MAPK10: variants seen among roughly 807,000 people sequenced by gnomAD.
MAPK10 encodes the protein mitogen-activated protein kinase 10, also known as JNK3 alpha protein kinase.
In MAPK10, 25 loss-of-function variants were observed where a neutral mutation model predicts 59.3. That is an observed-to-expected ratio of 0.42 (90% confidence interval 0.31 to 0.59). The LOEUF (loss-of-function observed/expected upper bound fraction) is 0.59, where lower values mean the gene tolerates loss of function less well. Among genes scored for constraint, MAPK10 ranks in the 20% least tolerant of loss-of-function variants. The pLI, the probability that MAPK10 is intolerant of heterozygous loss-of-function variation, is 0.15. For synonymous variants in MAPK10, 190 were observed against 200.5 expected, an observed-to-expected ratio of 0.95 and a Z score of 0.44; for missense variants, 351 against 568.9, an observed-to-expected ratio of 0.62 and a Z score of 3.90.
rs909107907 is a variant in MAPK10 at position 86,331,244 on chromosome 4, C to T, written c.-7+23286G>A. Among the ~76,000 whole-genome samples, 4 of 152,044 alleles carry T rather than the reference C, an allele frequency of 2.6e-5. No individual in the cohort carries two copies. In the East Asian group the frequency reaches 7.7e-4, roughly 29 times the overall value. On this transcript the variant is annotated intron_variant, in intron 2 of 13. Transcript: ENST00000641462. The stretch of plus-strand genomic sequence containing the variant: ...AAGCCTTTCTCAGACTCTCACCAAA[C>T]CATAAGAGTCAGAAAAATGGTCGTT...
At chr4:86,175,354 A>T (rs1187733391) in intron 3 of MAPK10, among the ~76,000 whole-genome samples, 1 of 152,170 alleles carries the variant, frequency 6.6e-6, no homozygotes, top group Non-Finnish European at 1.5e-5. Flanking sequence ...TTCACACAAC[A>T]AAGAACGTTA....
intron 13 of MAPK10, chr4:86,026,653 C>T (rs2148908598): frequency 6.6e-6 from 1 of 152,256 alleles, no homozygotes; most frequent in South Asian, 2.1e-4. Context: ...CTGCAGAATT[C>T]CCAGTATTGC....
intron 9 of MAPK10, among the ~76,000 whole-genome samples, chr4:86,098,065 T>C (rs906375800): frequency 6.6e-6 from 1 of 152,134 alleles, no homozygotes; most frequent in Non-Finnish European, 1.5e-5. Flanking sequence ...TAGTGTCGAG[T>C]AATTTAAATC....
At chr4:86,226,826 T>C (rs552496965) in intron 2 of MAPK10, among the ~76,000 whole-genome samples, 28 of 152,332 alleles carry the variant, frequency 1.8e-4, no homozygotes, top group African/African-American at 6.5e-4. Context: ...ATAGTGAGAA[T>C]GAATTCCTGA....
intron 9 of MAPK10, chr4:86,081,552 G>C (rs1659975983): frequency 6.6e-6 from 1 of 151,872 alleles, no homozygotes; most frequent in South Asian, 2.1e-4. Flanking sequence ...TTATAAAAAA[G>C]ATATTTTACC....
At chr4:86,567,499 C>A (rs550689132) in intron 1 of MAPK10, among the ~76,000 whole-genome samples, 1 of 152,142 alleles carries the variant, frequency 6.6e-6, no homozygotes, top group Non-Finnish European at 1.5e-5. Context: ...GGATTACAGG[C>A]GTGAGCCACC....
At chr4:86,557,372 T>C (rs932784758) in intron 1 of MAPK10, among the ~76,000 whole-genome samples, 1 of 152,074 alleles carries the variant, frequency 6.6e-6, no homozygotes, top group African/African-American at 2.4e-5. Flanking sequence ...CAGTAATGAA[T>C]TGTTCCCATG....
chr4:86,446,486 C>T (rs1269515292), intron 1 of MAPK10, among the ~76,000 whole-genome samples: 1 of 152,082 alleles, frequency 6.6e-6, no homozygotes, highest in Non-Finnish European at 1.5e-5. Flanking sequence ...AAAGCTCTAG[C>T]ATTACAGGCA....
At chr4:86,536,180 C>T (rs1758230389) in intron 1 of MAPK10, among the ~76,000 whole-genome samples, 1 of 152,066 alleles carries the variant, frequency 6.6e-6, no homozygotes, top group African/African-American at 2.4e-5. Context: ...TAGTCTACAC[C>T]AAAAAACCTC....
intron 9 of MAPK10, among the ~76,000 whole-genome samples, chr4:86,070,999 G>C (rs1214984335): frequency 6.6e-6 from 1 of 151,950 alleles, no homozygotes; most frequent in Non-Finnish European, 1.5e-5. Context: ...CCAGTTTACA[G>C]TCCCACCAAC....
At position 86,416,843 on chromosome 4, in the gene MAPK10, A is replaced by T. The variant is rs565176334; in HGVS notation, c.-122+36187T>A. 2.0e-5 allele frequency among the ~76,000 whole-genome samples: 3 copies of T among 152,322 alleles called. No individual in the cohort carries two copies. The South Asian group carries it at 6.2e-4, about 32-fold the overall frequency. On this transcript the variant is annotated intron_variant, in intron 1 of 13. Transcript: ENST00000361569. ...ATCCAGCCCTGGAACCAAAAGGAAGATACATGGAACACTGGGACCATGTGT... is the reference window on the plus strand; with the variant it reads ...ATCCAGCCCTGGAACCAAAAGGAAGTTACATGGAACACTGGGACCATGTGT...
intron 13 of MAPK10, among the ~76,000 whole-genome samples, chr4:86,018,828 C>T (rs1157030913): frequency 6.6e-6 from 1 of 152,154 alleles, no homozygotes; most frequent in African/African-American, 2.4e-5. Context: ...TGTGCAAGAT[C>T]TATTTGGTGA....
In MAPK10 at chr4:86,111,217, A is replaced by C. The variant is rs552733180; in HGVS notation, c.237-3865T>G. Among the ~76,000 whole-genome samples, 9 of 152,108 alleles carry C rather than the reference A, an allele frequency of 5.9e-5. No individual in the cohort carries two copies. The South Asian group carries it at 1.9e-3, about 32-fold the overall frequency. ...CTCTTCTTATTTGAATATCCTCTAT[A>C]TTTCTTTCTCTTGCCCGATGTTCTG... On this transcript the variant is annotated intron_variant, in intron 4 of 13. Transcript: ENST00000641462.
At chr4:86,155,433 A>C (rs2067479776) in intron 4 of MAPK10, among the ~76,000 whole-genome samples, 1 of 151,786 alleles carries the variant, frequency 6.6e-6, no homozygotes, top group African/African-American at 2.4e-5. Context: ...CACCGGATTA[A>C]TATGTATGTA....
intron 2 of MAPK10, among the ~76,000 whole-genome samples, chr4:86,232,375 A>AT (rs528181092): frequency 0.085 from 12,202 of 144,020 alleles, 1,093 homozygotes; most frequent in African/African-American, 0.22. Context: ...AATAGAATCA[A>AT]TTTTTTTTTT....
chr4:86,366,056 G>C (rs1336261217), intron 1 of MAPK10, among the ~76,000 whole-genome samples: 1 of 152,062 alleles, frequency 6.6e-6, no homozygotes, highest in Non-Finnish European at 1.5e-5. Context: ...ACAAACTTTA[G>C]AACATTACAT....
At chr4:86,438,690 CAAA>C (rs201802038) in intron 1 of MAPK10, among the ~76,000 whole-genome samples, 2 of 63,016 alleles carry the variant, frequency 3.2e-5, no homozygotes. Flanking sequence ...AACTCCATCT[CAAA>C]AAAAAAAAAA....
At chr4:86,423,622 C>T (rs928936170) in intron 1 of MAPK10, among the ~76,000 whole-genome samples, 2 of 151,604 alleles carry the variant, frequency 1.3e-5, no homozygotes, top group African/African-American at 4.9e-5. Context: ...GCAAAGAAAA[C>T]TGAGGGGGTT....
At chr4:86,168,841 G>A (rs1430526928) in intron 3 of MAPK10, among the ~76,000 whole-genome samples, 46 of 152,160 alleles carry the variant, frequency 3.0e-4, no homozygotes, top group Middle Eastern at 3.4e-3. Context: ...CACCTCACAC[G>A]GCCGGGTACT....
Sources: allele counts gnomAD v4.1 joint callset (sites outside exome capture counted in the v4.1 genomes callset), GRCh38; gene constraint gnomAD v4.1.1; transcripts MANE v1.5; gene names NCBI Gene and HGNC (gene_info 2026-07-23, HGNC 2026-07-21).